The following UGT1A7 variants were observed in gnomAD, a reference collection of about 807,000 sequenced individuals.
UGT1A7 encodes UDP-glucuronosyltransferase 1A7.
A neutral mutation model predicts 45.6 loss-of-function variants in UGT1A7; 33 were observed. That is an observed-to-expected ratio of 0.72 (90% confidence interval 0.55 to 0.97). The LOEUF (loss-of-function observed/expected upper bound fraction) is 0.97, where lower values mean the gene tolerates loss of function less well. Ranked by LOEUF, UGT1A7 falls within the 50% of genes least tolerant of loss-of-function variation. The pLI, the probability that UGT1A7 is intolerant of heterozygous loss-of-function variation, is 0.00. For synonymous variants in UGT1A7, 274 were observed against 250.6 expected (o/e 1.09, Z -0.88); for missense variants, 684 against 666.2 (o/e 1.03, Z -0.29).
Position 233,713,202 on chromosome 2 carries a change from G to T in UGT1A7, c.855+30410G>T, listed in dbSNP as rs181492639. ...CCTGGAGGTGAATATGTACATCAAA[G>T]AAGAGAACTTTTTCACCCTGACAAC... On this transcript the variant is annotated intron_variant, in intron 1 of 4. Coordinates refer to ENST00000373426, the MANE Select transcript of UGT1A7 (RefSeq NM_019077.3). The T allele has an allele frequency of 1.5e-4, 250 of 1,614,240 alleles. 3 individuals carry two copies. The East Asian group carries it at 4.8e-3, about 31-fold the overall frequency.
chr2:233,742,937 T>C (rs1692142343), intron 1 of UGT1A7: 1 of 214,468 alleles, frequency 4.7e-6, no homozygotes, highest in African/African-American at 2.4e-5. Context: ...CATTCTGTCC[T>C]ACCACTAGCA....
At chr2:233,695,446 G>T (rs1452804624) in intron 1 of UGT1A7, among the ~76,000 whole-genome samples, 1 of 150,492 alleles carries the variant, frequency 6.6e-6, no homozygotes, top group Non-Finnish European at 1.5e-5. Context: ...TTTTTTTTTT[G>T]ATCAACGTGC....
rs748749611 is a variant in UGT1A7, at chr2:233,713,227, C to T, written c.855+30435C>T. 53 of 1,614,134 alleles carry T rather than the reference C, an allele frequency of 3.3e-5. 2 individuals are homozygous for T. Among genetic ancestry groups the T allele is most frequent in the Admixed American group, 2.3e-4 (14 of 60,014 alleles). ...GAAGAGAACTTTTTCACCCTGACAA[C>T]GTATGCCATTTCATGGACCCAGGAC... On this transcript the variant is annotated intron_variant, in intron 1 of 4. Coordinates refer to ENST00000373426, the MANE Select transcript of UGT1A7 (RefSeq NM_019077.3).
At chr2:233,743,997 T>A (rs1692639058) in intron 1 of UGT1A7, 2 of 1,236,004 alleles carry the variant, frequency 1.6e-6, no homozygotes, top group Non-Finnish European at 2.1e-6. Flanking sequence ...GCCCGAGTGC[T>A]CGGAGACCTG....
rs34358487 is a variant in UGT1A7, at chr2:233,769,432, CAT to C, written c.1295+994_1295+995del. The C allele has an allele frequency of 1.6e-5, 25 of 1,545,990 alleles. No homozygotes were observed. In the East Asian group the frequency reaches 1.8e-4, roughly 11 times the overall value. ...GTGCGTTTGTGCATGTGGCTGTGCT[CAT>C]GTGTGGGTGCACACGTGTGCATTCA... On this transcript the variant is annotated intron_variant, in intron 4 of 4. Coordinates refer to ENST00000373426, the MANE Select transcript of UGT1A7 (RefSeq NM_019077.3). The surrounding 1 kb of genome is among the most constrained non-coding windows in gnomAD (Gnocchi z 4.4).
Position 233,772,828 on chromosome 2 carries a change from C to T in UGT1A7, c.*269C>T, listed in dbSNP as rs762669023. The stretch of plus-strand genomic sequence containing the variant: ...TTCAGAGGACGTGCAGACAGGCTGG[C>T]ATTCTAGATTACTTTTCTTACTCTG... On this transcript the variant is annotated 3_prime_UTR_variant, in exon 5 of 5. Coordinates refer to ENST00000373426, the MANE Select transcript of UGT1A7 (RefSeq NM_019077.3). 7.5e-5 allele frequency: 69 copies of T among 921,010 alleles called. No individual in the cohort carries two copies. The highest frequency in any genetic ancestry group is 9.8e-5 in the Non-Finnish European group (65 of 663,798). 57.1% of individuals were successfully genotyped at this position (921,010 alleles called of 1,614,324 possible).
chr2:233,704,714 T>A (rs948754454), intron 1 of UGT1A7, among the ~76,000 whole-genome samples: 7 of 152,218 alleles, frequency 4.6e-5, no homozygotes, highest in African/African-American at 1.7e-4. Context: ...TAGCCCAATT[T>A]GCCTTTGCTC....
At chr2:233,749,694 G>A (rs1268500408) in intron 1 of UGT1A7, among the ~76,000 whole-genome samples, 1 of 151,848 alleles carries the variant, frequency 6.6e-6, no homozygotes, top group Non-Finnish European at 1.5e-5. Flanking sequence ...AGGATCTGGT[G>A]GGAGGTGATT....
intron 1 of UGT1A7, chr2:233,692,760 G>A: frequency 8.2e-7 from 1 of 1,218,436 alleles, no homozygotes. Flanking sequence ...TTGTGGAGCT[G>A]AAGAGAAACA....
chr2:233,762,543 G>A (rs1248994186), intron 1 of UGT1A7, among the ~76,000 whole-genome samples: 10 of 152,184 alleles, frequency 6.6e-5, no homozygotes, highest in Admixed American at 6.5e-4. Flanking sequence ...GTACCACAGT[G>A]TATTCTGCTG....
intron 1 of UGT1A7, among the ~76,000 whole-genome samples, chr2:233,744,276 T>C (rs1409934425): frequency 2.0e-5 from 3 of 151,780 alleles, no homozygotes; most frequent in South Asian, 2.1e-4. Context: ...AAGTAGGCTT[T>C]ATATCAGTCT....
intron 1 of UGT1A7, chr2:233,743,868 C>T (rs1183331531): frequency 8.0e-6 from 11 of 1,367,072 alleles, no homozygotes; most frequent in East Asian, 4.5e-5. Context: ...TTGATGGCCT[C>T]GGATGAGGCC....
chr2:233,738,962 C>A (rs2125819813), intron 1 of UGT1A7: 1 of 152,334 alleles, frequency 6.6e-6, no homozygotes, highest in Admixed American at 6.5e-5. Flanking sequence ...GGGTCCAGGC[C>A]CCCACTGCTG....
rs904896556 is a variant in UGT1A7, at chr2:233,757,560, A to ATATATATG, written c.856-9473_856-9472insATATATGT. On this transcript the variant is annotated intron_variant, in intron 1 of 4. Coordinates refer to ENST00000373426, the MANE Select transcript of UGT1A7 (RefSeq NM_019077.3). ...AATATATATATATATATATATATAT[A>ATATATATG]TGTATATATGATATAGCTATAGTCT... is the stretch of plus-strand genomic sequence containing the variant. 5.4e-4 allele frequency among the ~76,000 whole-genome samples: 66 copies of ATATATATG among 123,154 alleles called. 2 individuals are homozygous for ATATATATG. Among genetic ancestry groups the ATATATATG allele is most frequent in the African/African-American group, 2.2e-3 (65 of 29,360 alleles). The allele number at this position is 123,154 out of a possible 152,430, so 80.8% of individuals were successfully genotyped here. A position where few individuals can be genotyped will look rare whatever the true frequency, so the allele number is the denominator to read the frequency against.
At chr2:233,747,030 G>A (rs1487472781) in intron 1 of UGT1A7, among the ~76,000 whole-genome samples, 1 of 151,896 alleles carries the variant, frequency 6.6e-6, no homozygotes, top group Non-Finnish European at 1.5e-5. Context: ...TTCCCGAAGT[G>A]GGACCCATAA....
chr2:233,724,525 T>G (rs2077275879), intron 1 of UGT1A7, among the ~76,000 whole-genome samples: 2 of 90,906 alleles, frequency 2.2e-5, no homozygotes, highest in African/African-American at 4.9e-5. Flanking sequence ...CCAGATGGGG[T>G]CTCGCCGGGC....
chr2:233,767,714 TCA>T (rs1424650372), intron 2 of UGT1A7, 133 bp from the exon 3 acceptor site: 27 of 1,536,346 alleles, frequency 1.8e-5, no homozygotes, highest in Non-Finnish European at 2.3e-5. Flanking sequence ...TCAGAAGCCT[TCA>T]CAGTTACTGA....
At chr2:233,763,403 G>T (rs1219713616) in intron 1 of UGT1A7, among the ~76,000 whole-genome samples, 1 of 152,040 alleles carries the variant, frequency 6.6e-6, no homozygotes, top group Non-Finnish European at 1.5e-5. Context: ...CATGGCACTG[G>T]TATTTTTAAT....
At chr2:233,715,207 AC>A (rs1408524816) in intron 1 of UGT1A7, among the ~76,000 whole-genome samples, 1 of 152,002 alleles carries the variant, frequency 6.6e-6, no homozygotes, top group East Asian at 1.9e-4. Flanking sequence ...CTTTTAAAAG[AC>A]CCTCTACTGA....
Sources: gnomAD v4.1 joint callset for allele counts (sites outside exome capture counted in the v4.1 genomes callset) on GRCh38, gnomAD v4.1.1 for gene constraint, Gnocchi (gnomAD v3.1) non-coding constraint, MANE v1.5 for transcripts, NCBI Gene and HGNC (gene_info 2026-07-23, HGNC 2026-07-21) for gene names.